Variants in NOMO2 observed in about 807,000 individuals in gnomAD.
The protein encoded by NOMO2 is NODAL modulator 2.
A neutral mutation model predicts 67.1 loss-of-function variants in NOMO2; 14 were observed. That is an observed-to-expected ratio of 0.21 (90% CI 0.14 to 0.33). The LOEUF (loss-of-function observed/expected upper bound fraction) is 0.33, where lower values mean the gene tolerates loss of function less well. Ranked by LOEUF, NOMO2 falls within the 10% of genes least tolerant of loss-of-function variation. The pLI, the probability that NOMO2 is intolerant of heterozygous loss-of-function variation, is 1.00. For synonymous variants in NOMO2, 80 were observed against 305.9 expected, an observed-to-expected ratio of 0.26 and a Z score of 7.71; for missense variants, 178 against 761.0, an observed-to-expected ratio of 0.23 and a Z score of 9.01.
intron 15 of NOMO2, among the ~76,000 whole-genome samples, chr16:18,528,992 CATATATATAT>C (rs60355905): frequency 0.07 from 862 of 12,324 alleles, 85 homozygotes; most frequent in African/African-American, 0.085. Context: ...AAAAAAAATA[CATATATATAT>C]ATATATATAT....
chr16:18,549,414 C>T, intron 5 of NOMO2, 107 bp downstream of exon 5: 8 of 1,589,316 alleles, frequency 5.0e-6, no homozygotes, highest in South Asian at 1.1e-5. Flanking sequence ...GAGGCTGAAT[C>T]AGGATCTGAA....
intron 3 of NOMO2, among the ~76,000 whole-genome samples, chr16:18,553,505 C>T (rs1901836250): frequency 6.6e-6 from 1 of 151,124 alleles, no homozygotes; most frequent in Admixed American, 6.6e-5. Context: ...GGGTGGTGGT[C>T]ACCTGGAGGG....
Position 18,539,519 on chromosome 16 carries a change from G to A in NOMO2, c.964-555C>T, listed in dbSNP as rs1901500901. ...CGCCTGTAATCCCAGCACTTTGGGA[G>A]GCCGAGGCAGGCAGATCACTTGAGG... On this transcript the variant is annotated intron_variant, in intron 9 of 30. Coordinates refer to ENST00000622306, the MANE Select transcript of NOMO2 (RefSeq NM_173614.4). 2.0e-5 allele frequency among the ~76,000 whole-genome samples: 3 copies of A among 151,942 alleles called. No individual in the cohort carries two copies. In the South Asian group the frequency reaches 6.3e-4, roughly 32 times the overall value.
At position 18,557,053 on chromosome 16, in the gene NOMO2, G is replaced by A. The variant is rs547901813; in HGVS notation, c.255+649C>T. ...TAGGAAGGAAAATGGCTTGAACCTG[G>A]GGGGTGGAGGTTGGAGTGAGGCAAG... On this transcript the variant is annotated intron_variant, in intron 2 of 30. Coordinates refer to ENST00000622306, the MANE Select transcript of NOMO2 (RefSeq NM_173614.4). Among the ~76,000 whole-genome samples the A allele has an allele frequency of 1.7e-4, 25 of 150,682 alleles. 1 individual carries two copies. The South Asian group carries it at 5.0e-3, about 30-fold the overall frequency.
intron 1 of NOMO2, among the ~76,000 whole-genome samples, chr16:18,559,432 G>C (rs997742444): frequency 6.6e-6 from 1 of 151,844 alleles, no homozygotes; most frequent in Middle Eastern, 3.2e-3. Context: ...GACACGAGCC[G>C]CAATGAAACA....
intron 1 of NOMO2, among the ~76,000 whole-genome samples, chr16:18,560,168 A>T (rs1188625154): frequency 1.4e-4 from 21 of 151,988 alleles, no homozygotes; most frequent in African/African-American, 5.1e-4. Context: ...ATCAGGACAC[A>T]GGATGGCAAT....
chr16:18,553,792 G>T (rs1176255184), intron 3 of NOMO2, among the ~76,000 whole-genome samples: 1 of 130,488 alleles, frequency 7.7e-6, no homozygotes, highest in Non-Finnish European at 1.7e-5. Context: ...TTTCTGGAAC[G>T]TACCAGCCAG....
At chr16:18,536,589 G>A (rs571015456) in intron 11 of NOMO2, among the ~76,000 whole-genome samples, 1 of 151,862 alleles carries the variant, frequency 6.6e-6, no homozygotes, top group Non-Finnish European at 1.5e-5. Context: ...GGGCTCAAGC[G>A]ATCCACCCGC....
chr16:18,561,923 C>G lies in NOMO2; in HGVS notation c.118G>C (p.Gly40Arg), dbSNP rs949117972. The G allele has an allele frequency of 2.2e-5, 35 of 1,578,634 alleles. 1 individual carries two copies. The highest frequency in any genetic ancestry group is 1.7e-6 in the Non-Finnish European group (2 of 1,164,536). Residue 40 changes from glycine to arginine, a missense_variant, in exon 1 of 31, where the codon GGT (glycine) becomes CGT (arginine). Coordinates refer to ENST00000622306, the MANE Select transcript of NOMO2 (RefSeq NM_173614.4). Reference sequence around the variant, plus strand: ...TCCACGTCCGACTTGACGAAGCCACCGCAGCCCACCACGATGTCCTCCGAG... The same window carrying G: ...TCCACGTCCGACTTGACGAAGCCACGGCAGCCCACCACGATGTCCTCCGAG... ...HGSEDIVVGC[G>R]GFVKSDVEIN...
intron 5 of NOMO2, among the ~76,000 whole-genome samples, chr16:18,548,610 G>C (rs1901705973): frequency 6.6e-6 from 1 of 152,046 alleles, no homozygotes; most frequent in African/African-American, 2.4e-5. Context: ...AGGTCAGCTA[G>C]GCATCTGCTC....
intron 11 of NOMO2, among the ~76,000 whole-genome samples, chr16:18,535,858 G>A (rs1254667711): frequency 1.3e-5 from 2 of 151,792 alleles, no homozygotes; most frequent in Non-Finnish European, 2.9e-5. Flanking sequence ...GTGCAATGGT[G>A]CAATCTCAGC....
chr16:18,555,473 T>A (rs1901881817), intron 2 of NOMO2, among the ~76,000 whole-genome samples: 1 of 148,828 alleles, frequency 6.7e-6, no homozygotes, highest in Non-Finnish European at 1.5e-5. Flanking sequence ...AGGTCAGTGC[T>A]GCAGTGAACC....
At chr16:18,528,967 CAAAAAA>C (rs58520369) in intron 15 of NOMO2, among the ~76,000 whole-genome samples, 12 of 12,328 alleles carry the variant, frequency 9.7e-4, no homozygotes, top group African/African-American at 2.9e-3. Context: ...GACTCCATCT[CAAAAAA>C]AAAAAAAAAA....
intron 3 of NOMO2, among the ~76,000 whole-genome samples, chr16:18,551,832 T>C (rs1901795131): frequency 6.6e-6 from 1 of 151,906 alleles, no homozygotes; most frequent in Non-Finnish European, 1.5e-5. Flanking sequence ...ATCTCAGAGT[T>C]CCAGGGAAAA....
intron 9 of NOMO2, among the ~76,000 whole-genome samples, chr16:18,539,866 A>G (rs1277706549): frequency 6.6e-6 from 1 of 152,112 alleles, no homozygotes; most frequent in Admixed American, 6.5e-5. Context: ...CTTGCCTGTG[A>G]GCAGCACACC....
At chr16:18,561,843 G>C in intron 1 of NOMO2, 33 bp downstream of exon 1, 3 of 1,542,818 alleles carry the variant, frequency 1.9e-6, no homozygotes, top group Non-Finnish European at 1.7e-6. Flanking sequence ...CCGGCCCGGC[G>C]ACTCGGCGCC....
intron 11 of NOMO2, among the ~76,000 whole-genome samples, chr16:18,535,996 C>T (rs1373274989): frequency 3.3e-5 from 5 of 152,034 alleles, no homozygotes; most frequent in Non-Finnish European, 7.4e-5. Context: ...CCGGGTTTCA[C>T]CATGCTGGCC....
chr16:18,528,649 C>G (rs1167394581), intron 15 of NOMO2, among the ~76,000 whole-genome samples: 7 of 151,738 alleles, frequency 4.6e-5, no homozygotes, highest in African/African-American at 1.7e-4. Context: ...TCTTCCCCTG[C>G]GCTGGAACAA....
chr16:18,529,777 T>G, intron 14 of NOMO2, 140 bp from the exon 15 acceptor site: 1 of 616,908 alleles, frequency 1.6e-6, no homozygotes, highest in Non-Finnish European at 2.9e-6. Context: ...AATATACACA[T>G]ACATATATTT....
Sources: gnomAD v4.1 joint callset for allele counts (sites outside exome capture counted in the v4.1 genomes callset) on GRCh38, gnomAD v4.1.1 for gene constraint, MANE v1.5 for transcripts, NCBI Gene and HGNC (gene_info 2026-07-23, HGNC 2026-07-21) for gene names.